Variants in SIPA1L3 observed in about 807,000 individuals in gnomAD.
SIPA1L3 encodes the protein signal-induced proliferation-associated 1-like protein 3.
SIPA1L3 carries 59 observed loss-of-function variants against 150.1 expected under a neutral mutation model. The observed-to-expected ratio is 0.39, with a 90% confidence interval of 0.32 to 0.49. The LOEUF (loss-of-function observed/expected upper bound fraction) is 0.49. Ranked by LOEUF, SIPA1L3 falls within the 20% of genes least tolerant of loss-of-function variation. The pLI is 0.86. For synonymous variants in SIPA1L3, 1,070 were observed against 1,077.6 expected (o/e 0.99, Z 0.14); for missense variants, 2,211 against 2,489.5 (o/e 0.89, Z 2.38).
At chr19:38,095,552 T>G (rs1233569519) in intron 4 of SIPA1L3, among the ~76,000 whole-genome samples, 1 of 152,208 alleles carries the variant, frequency 6.6e-6, no homozygotes, top group African/African-American at 2.4e-5. Flanking sequence ...TTTGTTGCCC[T>G]CGACTAGCTG....
chr19:37,963,445 C>T (rs1184855600), intron 1 of SIPA1L3, among the ~76,000 whole-genome samples: 5 of 152,216 alleles, frequency 3.3e-5, no homozygotes, highest in African/African-American at 7.2e-5. Context: ...CCAGCCAGAT[C>T]GTAACCACAG....
At chr19:38,088,598 G>A (rs1232167739) in intron 3 of SIPA1L3, 123 bp from the exon 4 acceptor site, 9 of 1,245,122 alleles carry the variant, frequency 7.2e-6, no homozygotes, top group East Asian at 2.7e-5. Flanking sequence ...TGAGGTTTGC[G>A]TGACCAGCAT....
rs377273435 is a variant in SIPA1L3 at position 38,088,974 on chromosome 19, G to A, written c.1665+123G>A. ...GAATCCTCCCAACAACCCCGGGAGA[G>A]CAATCCTGTTAGTCTCTCCATCTCA... On this transcript the variant is annotated intron_variant, in intron 4 of 21. Coordinates refer to ENST00000222345, the MANE Select transcript of SIPA1L3 (RefSeq NM_015073.3). 9.7e-4 allele frequency: 1,013 copies of A among 1,039,332 alleles called. 4 individuals are homozygous for A. In the African/African-American group the frequency reaches 0.015, roughly 15 times the overall value. The allele number at this position is 1,039,332 out of a possible 1,614,324, so 64.4% of individuals were successfully genotyped here. A position where few individuals can be genotyped will look rare whatever the true frequency, so the allele number is the denominator to read the frequency against.
intron 1 of SIPA1L3, among the ~76,000 whole-genome samples, chr19:38,015,668 G>A (rs1415479259): frequency 6.7e-6 from 1 of 148,308 alleles, no homozygotes; most frequent in African/African-American, 2.5e-5. Flanking sequence ...AGGTTGCAGT[G>A]AGCTGTGATC....
chr19:38,065,470 C>G (rs11671040), intron 2 of SIPA1L3, among the ~76,000 whole-genome samples: 1 of 147,560 alleles, frequency 6.8e-6, no homozygotes, highest in African/African-American at 2.5e-5. Flanking sequence ...GGCTGGAGTA[C>G]AGTGGTGCGA....
Position 38,082,684 on chromosome 19 carries a change from G to T in SIPA1L3, c.1119G>T (p.Ser373=). The T allele has an allele frequency of 6.2e-7, 1 of 1,609,116 alleles. No homozygotes were observed. Among genetic ancestry groups the T allele is most frequent in the Middle Eastern group, 1.7e-4 (1 of 6,058 alleles). ...SQRRNTTTGA[S]AASAASAMAS... Reference sequence around the variant, plus strand: ...GGCGGAACACCACCACGGGTGCTTCGGCCGCTTCCGCCGCCTCGGCCATGG... The same window carrying T: ...GGCGGAACACCACCACGGGTGCTTCTGCCGCTTCCGCCGCCTCGGCCATGG... The change falls in exon 3 of 22, where the codon TCG becomes TCT. Residue 373 remains serine (S), a synonymous_variant. Transcript: ENST00000222345.
intron 1 of SIPA1L3, among the ~76,000 whole-genome samples, chr19:37,980,133 A>G (rs1359930438): frequency 6.6e-6 from 1 of 152,154 alleles, no homozygotes; most frequent in Non-Finnish European, 1.5e-5. Flanking sequence ...TATTTGTGGC[A>G]CTTAAATAAA....
rs552943758 is a variant in SIPA1L3, at chr19:37,959,795, T to C, written c.-379+52437T>C. Among the ~76,000 whole-genome samples the C allele has an allele frequency of 2.0e-5, 3 of 150,614 alleles. No individual in the cohort carries two copies. The East Asian group carries it at 5.9e-4, about 30-fold the overall frequency. On this transcript the variant is annotated intron_variant, in intron 1 of 21. Transcript: ENST00000222345. ...TATTTTCTAGTGTTTCATTTTTATT[T>C]TGTTGGGTTTTAAAAAACTTTCTTT...
At chr19:38,059,417 C>A (rs1025632266) in intron 2 of SIPA1L3, among the ~76,000 whole-genome samples, 5 of 150,972 alleles carry the variant, frequency 3.3e-5, no homozygotes, top group African/African-American at 1.2e-4. Flanking sequence ...GATTCTCCTG[C>A]CTCAACCTCC....
At chr19:38,148,817 T>G (rs1052140546) in intron 12 of SIPA1L3, among the ~76,000 whole-genome samples, 1 of 152,152 alleles carries the variant, frequency 6.6e-6, no homozygotes, top group African/African-American at 2.4e-5. Flanking sequence ...CCATAGCTAG[T>G]CAGCTCATCC....
At chr19:38,136,965 A>G (rs1470364004) in intron 10 of SIPA1L3, among the ~76,000 whole-genome samples, 1 of 152,200 alleles carries the variant, frequency 6.6e-6, no homozygotes, top group Non-Finnish European at 1.5e-5. Context: ...AGGCAACTGC[A>G]TCAGCTCTGA....
chr19:37,971,072 ATG>A (rs890900486), intron 1 of SIPA1L3, among the ~76,000 whole-genome samples: 41 of 151,352 alleles, frequency 2.7e-4, no homozygotes, highest in Admixed American at 7.2e-4. Context: ...GATATAATTT[ATG>A]TGTGTTAAAA....
intron 1 of SIPA1L3, among the ~76,000 whole-genome samples, chr19:38,015,721 TAAAAAAAAAAAA>T (rs59452393): frequency 7.8e-5 from 8 of 102,166 alleles, no homozygotes; most frequent in Non-Finnish European, 1.3e-4. Context: ...AAGATCCTGT[TAAAAAAAAAAAA>T]AAAAAAAAAA....
chr19:37,912,533 T>C (rs1352902772), intron 1 of SIPA1L3, among the ~76,000 whole-genome samples: 1 of 152,154 alleles, frequency 6.6e-6, no homozygotes, highest in Non-Finnish European at 1.5e-5. Flanking sequence ...GGTCACTCTG[T>C]TGCCCACGCT....
chr19:37,956,799 T>C (rs2046815692), intron 1 of SIPA1L3, among the ~76,000 whole-genome samples: 1 of 152,200 alleles, frequency 6.6e-6, no homozygotes, highest in African/African-American at 2.4e-5. Context: ...TAAAAGTTTT[T>C]AATTTTGGAA....
At position 38,162,810 on chromosome 19, in the gene SIPA1L3, G is replaced by A. The variant is rs532180283; in HGVS notation, c.3780+439G>A. Among the ~76,000 whole-genome samples the A allele has an allele frequency of 2.6e-4, 39 of 152,300 alleles. 1 individual carries two copies. Among genetic ancestry groups the A allele is most frequent in the African/African-American group, 9.4e-4 (39 of 41,560 alleles). On this transcript the variant is annotated intron_variant, in intron 14 of 21. Coordinates refer to ENST00000222345, the MANE Select transcript of SIPA1L3 (RefSeq NM_015073.3). ...CTCAGAGGTTCCAAGCCCTCTGCTG[G>A]GTCCCTGCGTCTTTCCAGCAGTGGA...
chr19:37,976,230 G>A (rs1041333599), intron 1 of SIPA1L3, among the ~76,000 whole-genome samples: 4 of 152,104 alleles, frequency 2.6e-5, no homozygotes, highest in African/African-American at 9.7e-5. Context: ...CCCCAGGGGA[G>A]GGTTGTCCTG....
At chr19:37,933,135 C>G (rs1407245826) in intron 1 of SIPA1L3, among the ~76,000 whole-genome samples, 1 of 152,060 alleles carries the variant, frequency 6.6e-6, no homozygotes, top group Non-Finnish European at 1.5e-5. Context: ...CTCAAGTCCC[C>G]CCTCCCCAAC....
intron 2 of SIPA1L3, among the ~76,000 whole-genome samples, chr19:38,061,490 TG>T (rs1449326473): frequency 3.9e-5 from 6 of 152,314 alleles, no homozygotes; most frequent in African/African-American, 1.4e-4. Flanking sequence ...AGAAGCTGCC[TG>T]GGACACATCC....
Sources: allele counts gnomAD v4.1 joint callset (sites outside exome capture counted in the v4.1 genomes callset), GRCh38; gene constraint gnomAD v4.1.1; transcripts MANE v1.5; gene names NCBI Gene and HGNC (gene_info 2026-07-23, HGNC 2026-07-21).